Variants in SOX6 observed in about 807,000 individuals in gnomAD.
SOX6 encodes transcription factor SOX-6.
SOX6 carries 11 observed loss-of-function variants against 97.8 expected under a neutral mutation model. The observed-to-expected ratio is 0.11, with a 90% CI of 0.07 to 0.19. The LOEUF (loss-of-function observed/expected upper bound fraction) is 0.19, where lower values mean the gene tolerates loss of function less well. SOX6 is among the 10% of genes least tolerant of loss of function. The pLI, the probability that SOX6 is intolerant of heterozygous loss-of-function variation, is 1.00. For synonymous variants in SOX6, 360 were observed against 371.4 expected (o/e 0.97, Z 0.35); for missense variants, 810 against 1,039.5 (o/e 0.78, Z 3.04).
intron 4 of SOX6, among the ~76,000 whole-genome samples, chr11:16,504,537 C>G (rs1860755543): frequency 6.6e-6 from 1 of 151,148 alleles, no homozygotes; most frequent in Non-Finnish European, 1.5e-5. Flanking sequence ...GGATAAAGAC[C>G]TCTACAAGGA....
At chr11:16,273,785 G>T (rs968946749) in intron 3 of SOX6, among the ~76,000 whole-genome samples, 1 of 151,992 alleles carries the variant, frequency 6.6e-6, no homozygotes, top group Non-Finnish European at 1.5e-5. Context: ...GCCCTTAGGG[G>T]GCTGTAAGAA....
intron 1 of SOX6, among the ~76,000 whole-genome samples, chr11:16,448,629 A>G (rs1335775024): frequency 6.6e-6 from 1 of 152,190 alleles, no homozygotes; most frequent in African/African-American, 2.4e-5. Context: ...AGTAATTACT[A>G]TCCTTCATTT....
chr11:16,229,516 A>G (rs1852786542), intron 4 of SOX6, among the ~76,000 whole-genome samples: 1 of 152,030 alleles, frequency 6.6e-6, no homozygotes, highest in Non-Finnish European at 1.5e-5. Flanking sequence ...AGAGCAATAA[A>G]TAGAAAAACC....
chr11:16,071,351 T>A (rs552593062), intron 9 of SOX6, among the ~76,000 whole-genome samples: 8 of 152,228 alleles, frequency 5.3e-5, no homozygotes, highest in Non-Finnish European at 1.2e-4. Context: ...AGCCCAGTGG[T>A]CTCACTTCTG....
chr11:16,258,393 A>C (rs1853761596), intron 3 of SOX6, among the ~76,000 whole-genome samples: 1 of 152,046 alleles, frequency 6.6e-6, no homozygotes, highest in Admixed American at 6.6e-5. Flanking sequence ...TAAATGAGCT[A>C]CCAAGCTATG....
intron 4 of SOX6, among the ~76,000 whole-genome samples, chr11:16,482,311 A>C (rs1860357945): frequency 6.6e-6 from 1 of 152,210 alleles, no homozygotes; most frequent in African/African-American, 2.4e-5. Context: ...TGGATCTTTT[A>C]GCCATGCATG....
intron 3 of SOX6, among the ~76,000 whole-genome samples, chr11:16,645,609 A>C (rs1849002011): frequency 6.6e-6 from 1 of 152,246 alleles, no homozygotes. Context: ...TTCTCATAAC[A>C]AAATGGCCAC....
At chr11:16,444,836 T>A (rs1242074738) in intron 1 of SOX6, among the ~76,000 whole-genome samples, 1 of 152,094 alleles carries the variant, frequency 6.6e-6, no homozygotes, top group Non-Finnish European at 1.5e-5. Context: ...AAATTAAGAG[T>A]GACGAAGAGT....
chr11:16,555,753 T>A (rs892359000), intron 4 of SOX6, among the ~76,000 whole-genome samples: 1 of 151,682 alleles, frequency 6.6e-6, no homozygotes, highest in African/African-American at 2.4e-5. Flanking sequence ...AATAGAGATA[T>A]AATGAATATA....
chr11:16,010,285 G>T (rs753713566), intron 13 of SOX6, among the ~76,000 whole-genome samples: 1 of 151,702 alleles, frequency 6.6e-6, no homozygotes, highest in African/African-American at 2.4e-5. Flanking sequence ...CCCAAAAGAG[G>T]GTATTCTTGG....
At chr11:16,364,627 A>G (rs1857301807) in intron 1 of SOX6, among the ~76,000 whole-genome samples, 1 of 152,176 alleles carries the variant, frequency 6.6e-6, no homozygotes, top group South Asian at 2.1e-4. Context: ...CAAGGTAATA[A>G]GGTAGAACAC....
chr11:16,269,913 A>G (rs1854199985), intron 3 of SOX6: 1 of 151,266 alleles, frequency 6.6e-6, no homozygotes, highest in South Asian at 2.1e-4. Context: ...CCTCTAATTC[A>G]TTTATCTTGT....
intron 4 of SOX6, among the ~76,000 whole-genome samples, chr11:16,569,960 T>C (rs1463986251): frequency 6.6e-6 from 1 of 151,398 alleles, no homozygotes; most frequent in Non-Finnish European, 1.5e-5. Flanking sequence ...TTCATAATTA[T>C]AACCAGTTAA....
chr11:16,651,114 A>T (rs973015361), intron 3 of SOX6, among the ~76,000 whole-genome samples: 4 of 152,112 alleles, frequency 2.6e-5, no homozygotes, highest in Non-Finnish European at 5.9e-5. Flanking sequence ...AGCGAGATTA[A>T]AAGAGTAATT....
intron 3 of SOX6, among the ~76,000 whole-genome samples, chr11:16,700,945 T>G: frequency 6.6e-6 from 1 of 152,192 alleles, no homozygotes; most frequent in Non-Finnish European, 1.5e-5. Flanking sequence ...TATCAATCCC[T>G]AGGTCCTAGT....
In SOX6 at chr11:16,198,225, TTTTTC is replaced by T. The variant is rs539888340; in HGVS notation, c.536-11275_536-11271del. On this transcript the variant is annotated intron_variant, in intron 4 of 15. Coordinates refer to ENST00000683767, the MANE Select transcript of SOX6 (RefSeq NM_001367873.1). Reference sequence around the variant, plus strand: ...CCTGCCACCACGCCCTGCTAATTTTTTTTTCTTTTTTTTTTTTTTTTTGTATTTTT... The same window carrying T: ...CCTGCCACCACGCCCTGCTAATTTTTTTTTTTTTTTTTTTTTTGTATTTTT... Among the ~76,000 whole-genome samples the T allele has an allele frequency of 1.9e-3, 178 of 94,718 alleles. 3 individuals are homozygous for T. Among genetic ancestry groups the T allele is most frequent in the African/African-American group, 9.6e-3 (175 of 18,230 alleles). 62.1% of individuals were successfully genotyped at this position (94,718 alleles called of 152,430 possible). A position where few individuals can be genotyped will look rare whatever the true frequency, so the allele number is the denominator to read the frequency against.
At chr11:16,529,095 C>A (rs1434691460) in intron 4 of SOX6, among the ~76,000 whole-genome samples, 1 of 152,024 alleles carries the variant, frequency 6.6e-6, no homozygotes, top group East Asian at 1.9e-4. Flanking sequence ...CAATTTCTAC[C>A]ACAGTTTTAA....
chr11:16,399,147 T>C (rs1176079859), intron 1 of SOX6, among the ~76,000 whole-genome samples: 3 of 151,274 alleles, frequency 2.0e-5, no homozygotes, highest in African/African-American at 4.8e-5. Context: ...GTAAAATGAA[T>C]ATAATAAACC....
intron 1 of SOX6, among the ~76,000 whole-genome samples, chr11:16,423,593 T>A (rs753961403): frequency 3.3e-5 from 5 of 152,110 alleles, no homozygotes; most frequent in Non-Finnish European, 7.4e-5. Flanking sequence ...TCAAGTCTGG[T>A]GACTAACTGC....
Sources: allele counts gnomAD v4.1 joint callset (sites outside exome capture counted in the v4.1 genomes callset), GRCh38; gene constraint gnomAD v4.1.1; transcripts MANE v1.5; gene names NCBI Gene and HGNC (gene_info 2026-07-23, HGNC 2026-07-21).